Variants in HMGCLL1 observed in about 807,000 individuals in gnomAD.
The protein encoded by HMGCLL1 is 3-hydroxy-3-methylglutaryl-CoA lyase like 1.
HMGCLL1 carries 36 observed loss-of-function variants against 39.1 expected under a neutral mutation model. The observed-to-expected ratio is 0.92, with a 90% CI of 0.71 to 1.22. HMGCLL1 has a LOEUF of 1.22. HMGCLL1 is among the 50% of genes most tolerant of loss of function. The pLI is 0.00. For synonymous variants in HMGCLL1, 149 were observed against 144.0 expected, an observed-to-expected ratio of 1.03 and a Z score of -0.25; for missense variants, 451 against 416.5, an observed-to-expected ratio of 1.08 and a Z score of -0.72.
chr6:55,458,435 C>T (rs1262684039), intron 7 of HMGCLL1, among the ~76,000 whole-genome samples: 1 of 152,122 alleles, frequency 6.6e-6, no homozygotes, highest in Non-Finnish European at 1.5e-5. Flanking sequence ...AAATCACTCT[C>T]CCAAAAGTTT....
intron 1 of HMGCLL1, among the ~76,000 whole-genome samples, chr6:55,552,564 TA>T (rs1352298505): frequency 1.3e-5 from 2 of 152,032 alleles, no homozygotes. Context: ...AGAGTTGTGG[TA>T]AAGCCACATA....
At chr6:55,666,538 T>C in the HMGCLL1 span, among the ~76,000 whole-genome samples, 1 of 151,718 alleles carries the variant, frequency 6.6e-6, no homozygotes, top group East Asian at 1.9e-4. Context: ...TTGTAAAGAT[T>C]AGAGTTTTTA....
chr6:55,585,314 C>T, the HMGCLL1 span, among the ~76,000 whole-genome samples: 1 of 152,018 alleles, frequency 6.6e-6, no homozygotes, highest in Non-Finnish European at 1.5e-5. Context: ...TTAGCTTTGC[C>T]AACTGTATTG....
At chr6:55,546,520 T>C (rs768541124) in intron 1 of HMGCLL1, among the ~76,000 whole-genome samples, 8 of 152,128 alleles carry the variant, frequency 5.3e-5, no homozygotes, top group Non-Finnish European at 1.0e-4. Flanking sequence ...CTAAGTAGCA[T>C]TATTATAGTT....
At chr6:55,492,330 CT>C (rs1766356466) in intron 7 of HMGCLL1, among the ~76,000 whole-genome samples, 1 of 152,128 alleles carries the variant, frequency 6.6e-6, no homozygotes, top group African/African-American at 2.4e-5. Context: ...AATATATTTT[CT>C]TCTTCTCCTC....
At chr6:55,586,796 C>T in the HMGCLL1 span, among the ~76,000 whole-genome samples, 2 of 151,784 alleles carry the variant, frequency 1.3e-5, no homozygotes, top group Non-Finnish European at 1.5e-5. Flanking sequence ...TCCAGTCTAT[C>T]GTTGGACATT....
chr6:55,649,426 C>A, the HMGCLL1 span, among the ~76,000 whole-genome samples: 1 of 151,412 alleles, frequency 6.6e-6, no homozygotes, highest in African/African-American at 2.4e-5. Flanking sequence ...CACTCTCTCC[C>A]GTCCTGTTAG....
At chr6:55,549,050 A>G (rs1293623210) in intron 1 of HMGCLL1, among the ~76,000 whole-genome samples, 1 of 151,626 alleles carries the variant, frequency 6.6e-6, no homozygotes, top group African/African-American at 2.4e-5. Flanking sequence ...ATTTATTTTA[A>G]TAAATAAAAT....
the HMGCLL1 span, among the ~76,000 whole-genome samples, chr6:55,601,820 A>G: frequency 6.6e-6 from 1 of 152,192 alleles, no homozygotes; most frequent in Non-Finnish European, 1.5e-5. Context: ...AATTTCACAT[A>G]TTAAATAAAG....
chr6:55,497,359 G>A (rs1766635795), intron 6 of HMGCLL1, among the ~76,000 whole-genome samples: 2 of 152,016 alleles, frequency 1.3e-5, no homozygotes, highest in African/African-American at 2.4e-5. Flanking sequence ...ATAATGATGT[G>A]TTTGGTTGTA....
At chr6:55,591,477 C>T in the HMGCLL1 span, among the ~76,000 whole-genome samples, 1 of 151,798 alleles carries the variant, frequency 6.6e-6, no homozygotes, top group East Asian at 1.9e-4. Context: ...ATCATGCAAG[C>T]CATGATATTT....
At chr6:55,655,340 C>T in the HMGCLL1 span, among the ~76,000 whole-genome samples, 3 of 151,538 alleles carry the variant, frequency 2.0e-5, no homozygotes, top group African/African-American at 7.3e-5. Context: ...CAACCTCCAT[C>T]CCCCTCCTGT....
chr6:55,553,717 C>T (rs1215529278), intron 1 of HMGCLL1, among the ~76,000 whole-genome samples: 1 of 152,052 alleles, frequency 6.6e-6, no homozygotes, highest in African/African-American at 2.4e-5. Context: ...AACTTGAAGA[C>T]ATGGGACATT....
At chr6:55,585,354 C>A in the HMGCLL1 span, among the ~76,000 whole-genome samples, 1 of 152,030 alleles carries the variant, frequency 6.6e-6, no homozygotes, top group South Asian at 2.1e-4. Flanking sequence ...ATGGACTGTT[C>A]GTTAACTAGT....
chr6:55,460,158 A>T (rs1030220319), intron 7 of HMGCLL1, among the ~76,000 whole-genome samples: 1 of 152,006 alleles, frequency 6.6e-6, no homozygotes, highest in Non-Finnish European at 1.5e-5. Flanking sequence ...CCTCTGTAAT[A>T]TATAGCTGTG....
At chr6:55,597,879 T>A in the HMGCLL1 span, among the ~76,000 whole-genome samples, 1 of 152,182 alleles carries the variant, frequency 6.6e-6, no homozygotes, top group Non-Finnish European at 1.5e-5. Context: ...AGAGTTGAGA[T>A]CTGTATATTT....
chr6:55,623,863 T>C, the HMGCLL1 span, among the ~76,000 whole-genome samples: 1 of 152,054 alleles, frequency 6.6e-6, no homozygotes, highest in Non-Finnish European at 1.5e-5. Context: ...AGTATGTCTA[T>C]GCCTATGCCA....
intron 1 of HMGCLL1, among the ~76,000 whole-genome samples, chr6:55,554,181 T>C (rs1454966235): frequency 2.0e-5 from 3 of 152,124 alleles, no homozygotes; most frequent in African/African-American, 7.2e-5. Flanking sequence ...AAAATACTAA[T>C]GTAAAAAGCA....
At chr6:55,583,654 A>T (rs1772022394), upstream of HMGCLL1, among the ~76,000 whole-genome samples, 1 of 152,144 alleles carries the variant, frequency 6.6e-6, no homozygotes, top group Non-Finnish European at 1.5e-5. Flanking sequence ...CACAATAAAC[A>T]TACGTGTTCA....
Sources: gnomAD v4.1 joint callset for allele counts (sites outside exome capture counted in the v4.1 genomes callset) on GRCh38, gnomAD v4.1.1 for gene constraint, MANE v1.5 for transcripts, NCBI Gene and HGNC (gene_info 2026-07-23, HGNC 2026-07-21) for gene names.